THSD7B: variants seen among roughly 807,000 people sequenced by gnomAD.
THSD7B encodes the protein thrombospondin type 1 domain containing 7B, also known as thrombospondin type-1 domain-containing protein 7B.
A neutral mutation model predicts 213.6 loss-of-function variants in THSD7B; 138 were observed. The ratio of observed to expected loss-of-function variants is 0.65; its 90% CI spans 0.56 to 0.74. THSD7B has a LOEUF of 0.74. Ranked by LOEUF, THSD7B falls within the 30% of genes least tolerant of loss-of-function variation. THSD7B has a pLI of 0.00. For missense variants in THSD7B, 1,931 were observed against 1,991.5 expected (o/e 0.97, Z 0.58); for synonymous variants, 742 against 687.0 (o/e 1.08, Z -1.25).
intron 1 of THSD7B, among the ~76,000 whole-genome samples, chr2:136,766,996 G>A (rs77506784): frequency 1.1e-5 from 1 of 89,282 alleles, no homozygotes; most frequent in Non-Finnish European, 2.5e-5. Flanking sequence ...GTGTGTGTGT[G>A]TATACATGCG....
intron 1 of THSD7B, among the ~76,000 whole-genome samples, chr2:136,860,771 G>C (rs566404023): frequency 6.6e-6 from 1 of 152,142 alleles, no homozygotes; most frequent in Non-Finnish European, 1.5e-5. Context: ...GTCACATGAC[G>C]TCACTGTTCT....
At chr2:137,073,442 G>A (rs1026991594) in intron 3 of THSD7B, among the ~76,000 whole-genome samples, 1 of 151,680 alleles carries the variant, frequency 6.6e-6, no homozygotes, top group East Asian at 1.9e-4. Context: ...TGTGGGATCA[G>A]TGGTGATATC....
intron 7 of THSD7B, among the ~76,000 whole-genome samples, chr2:137,189,157 C>T (rs1573875718): frequency 6.6e-6 from 1 of 152,150 alleles, no homozygotes; most frequent in Non-Finnish European, 1.5e-5. Flanking sequence ...ACTCAGTTCC[C>T]ACTTCCCTGG....
At position 137,353,170 on chromosome 2, in the gene THSD7B, A is replaced by G. The variant is rs117054289; in HGVS notation, c.2501-52443A>G. On this transcript the variant is annotated intron_variant, in intron 12 of 27. Transcript: ENST00000409968. ...TCAAAAGACAGGGAGGCAGTGTTAG[A>G]AAAAATGTCAGCAGTAAGTGGAGAT... Among the ~76,000 whole-genome samples, 135 of 152,242 alleles carry G rather than the reference A, an allele frequency of 8.9e-4. 2 individuals carry two copies. The East Asian group carries it at 0.021, about 24-fold the overall frequency.
At chr2:137,161,145 T>C (rs560412229) in intron 6 of THSD7B, among the ~76,000 whole-genome samples, 3 of 152,338 alleles carry the variant, frequency 2.0e-5, no homozygotes, top group African/African-American at 7.2e-5. Flanking sequence ...TTTATATTCC[T>C]GTTTATTTTT....
chr2:137,000,001 C>T (rs1316465878), intron 2 of THSD7B, among the ~76,000 whole-genome samples: 1 of 152,078 alleles, frequency 6.6e-6, no homozygotes, highest in Non-Finnish European at 1.5e-5. Context: ...GACAGTTCTA[C>T]CTTAAGACAA....
chr2:137,104,997 C>T (rs1157003726), intron 4 of THSD7B, among the ~76,000 whole-genome samples: 2 of 152,194 alleles, frequency 1.3e-5, no homozygotes, highest in African/African-American at 4.8e-5. Context: ...GAGCTGGCAC[C>T]ATTCCTTCTG....
At chr2:137,205,612 A>G (rs1475659114) in intron 7 of THSD7B, among the ~76,000 whole-genome samples, 1 of 152,008 alleles carries the variant, frequency 6.6e-6, no homozygotes, top group Non-Finnish European at 1.5e-5. Context: ...CAATATTATG[A>G]TTTTAGACAT....
At chr2:137,139,743 T>G (rs1052248307) in intron 5 of THSD7B, among the ~76,000 whole-genome samples, 1 of 152,128 alleles carries the variant, frequency 6.6e-6, no homozygotes, top group African/African-American at 2.4e-5. Flanking sequence ...TGTGAGATGC[T>G]CCAGGAATCC....
chr2:137,136,102 T>C (rs924593438), intron 5 of THSD7B, among the ~76,000 whole-genome samples: 1 of 151,938 alleles, frequency 6.6e-6, no homozygotes, highest in African/African-American at 2.4e-5. Context: ...AATTGAACAA[T>C]GAGAACACAT....
At chr2:137,113,439 G>T (rs568298666) in intron 4 of THSD7B, among the ~76,000 whole-genome samples, 16 of 152,000 alleles carry the variant, frequency 1.1e-4, no homozygotes, top group East Asian at 7.8e-4. Flanking sequence ...TGTTTTTTTT[G>T]TTTGTTTGTT....
intron 12 of THSD7B, among the ~76,000 whole-genome samples, chr2:137,308,013 T>G (rs1167299708): frequency 2.0e-5 from 3 of 151,856 alleles, no homozygotes. Context: ...ACCATGCGAG[T>G]CCTTTATCAA....
chr2:137,443,221 C>A (rs1269337618), intron 14 of THSD7B, among the ~76,000 whole-genome samples: 1 of 152,044 alleles, frequency 6.6e-6, no homozygotes, highest in Non-Finnish European at 1.5e-5. Context: ...AACTGAGATA[C>A]CATTGTGATT....
intron 27 of THSD7B, among the ~76,000 whole-genome samples, chr2:137,669,404 T>TA (rs61507683): frequency 0.35 from 53,497 of 151,996 alleles, 9,917 homozygotes; most frequent in Middle Eastern, 0.5. Context: ...TAGTGAAAAG[T>TA]TCATCTTCAG....
At chr2:136,862,962 C>T (rs1683277409) in intron 1 of THSD7B, among the ~76,000 whole-genome samples, 1 of 152,200 alleles carries the variant, frequency 6.6e-6, no homozygotes, top group Non-Finnish European at 1.5e-5. Flanking sequence ...AGATCCTTTA[C>T]CATGGGGACT....
rs1011135018 is a variant in THSD7B, at chr2:137,400,294, GT to G, written c.2501-5309del. Among the ~76,000 whole-genome samples, 109 of 148,326 alleles carry G rather than the reference GT, an allele frequency of 7.3e-4. 1 individual carries two copies. Among genetic ancestry groups the G allele is most frequent in the Admixed American group, 5.6e-3 (83 of 14,918 alleles). On this transcript the variant is annotated intron_variant, in intron 12 of 27. Transcript: ENST00000409968. Reference sequence around the variant, plus strand: ...TTCTTTGAGGGTGTTGTAATACCTTGTTTTTTTTTTCTTTCCATGATTTTTG... The same window carrying G: ...TTCTTTGAGGGTGTTGTAATACCTTGTTTTTTTTTCTTTCCATGATTTTTG...
chr2:137,386,630 T>C (rs1357417087), intron 12 of THSD7B, among the ~76,000 whole-genome samples: 5 of 152,228 alleles, frequency 3.3e-5, no homozygotes, highest in Non-Finnish European at 7.3e-5. Flanking sequence ...TGATCTGAAG[T>C]AGCAAGCTCC....
intron 3 of THSD7B, among the ~76,000 whole-genome samples, chr2:137,081,415 T>G (rs760272423): frequency 6.6e-6 from 1 of 152,148 alleles, no homozygotes; most frequent in African/African-American, 2.4e-5. Context: ...TTTTGGTACT[T>G]TCCTTTAATG....
chr2:137,445,819 C>T (rs946540321), intron 14 of THSD7B, among the ~76,000 whole-genome samples: 29 of 151,792 alleles, frequency 1.9e-4, no homozygotes, highest in African/African-American at 5.3e-4. Flanking sequence ...CCAGTTACCC[C>T]GATTTGATCA....
Sources: allele counts gnomAD v4.1 joint callset (sites outside exome capture counted in the v4.1 genomes callset), GRCh38; gene constraint gnomAD v4.1.1; transcripts MANE v1.5; gene names NCBI Gene and HGNC (gene_info 2026-07-23, HGNC 2026-07-21).